The following COL18A1 variants were observed in gnomAD, a reference collection of about 807,000 sequenced individuals.
COL18A1 encodes the protein collagen alpha-1(XVIII) chain.
COL18A1 carries 133 observed loss-of-function variants against 168.0 expected under a neutral mutation model. The observed-to-expected ratio is 0.79, with a 90% CI of 0.69 to 0.91. The LOEUF (loss-of-function observed/expected upper bound fraction) is 0.91, where lower values mean the gene tolerates loss of function less well. Ranked by LOEUF, COL18A1 falls within the 40% of genes least tolerant of loss-of-function variation. COL18A1 has a pLI of 0.00. For synonymous variants in COL18A1, 949 were observed against 809.0 expected (o/e 1.17, Z -2.94); for missense variants, 2,126 against 1,925.4 (o/e 1.10, Z -1.95).
chr21:45,411,578 T>G (rs1254156412), intron 2 of COL18A1, among the ~76,000 whole-genome samples: 1 of 152,110 alleles, frequency 6.6e-6, no homozygotes, highest in Non-Finnish European at 1.5e-5. Flanking sequence ...GGCCCGGCGC[T>G]GTGAACGAGC....
At position 45,488,068 on chromosome 21, in the gene COL18A1, C is replaced by T. The variant is rs557175907; in HGVS notation, c.1897-350C>T. Among the ~76,000 whole-genome samples the T allele has an allele frequency of 1.5e-4, 23 of 152,286 alleles. No homozygotes were observed. In the East Asian group the frequency reaches 2.5e-3, roughly 17 times the overall value. On this transcript the variant is annotated intron_variant, in intron 17 of 41. Transcript: ENST00000651438. ...GTCCCCTCCACACCACCAGCGCTCT[C>T]GTGGCGCCAGCATGGAGGAGCCCCC...
At chr21:45,435,708 T>C (rs1720482975) in intron 2 of COL18A1, among the ~76,000 whole-genome samples, 1 of 151,972 alleles carries the variant, frequency 6.6e-6, no homozygotes, top group Non-Finnish European at 1.5e-5. Flanking sequence ...GGGAGTCCTA[T>C]AGGGTGAAGG....
In COL18A1 at chr21:45,504,584, C is replaced by T. The variant is rs1275946837; in HGVS notation, c.2868+28C>T. ...AAGTCCCAGCCTGTGCAGGCAGAGC[C>T]CATGTCCCAGGGGTCTGGGTGCAGG... On this transcript the variant is annotated intron_variant, in intron 34 of 41. Coordinates refer to ENST00000651438, the MANE Select transcript of COL18A1 (RefSeq NM_001379500.1). 4.5e-6 allele frequency: 7 copies of T among 1,555,374 alleles called. No individual in the cohort carries two copies. The Admixed American group carries it at 5.8e-5, about 13-fold the overall frequency.
At chr21:45,422,869 C>T (rs117859566) in intron 2 of COL18A1, among the ~76,000 whole-genome samples, 753 of 152,066 alleles carry the variant, frequency 5.0e-3, no homozygotes, top group Middle Eastern at 0.014. Flanking sequence ...GTCACTGCAA[C>T]CTCCATCTCC....
intron 26 of COL18A1, chr21:45,494,273 T>G: frequency 2.7e-6 from 1 of 375,906 alleles, no homozygotes; most frequent in East Asian, 5.2e-5. Context: ...CCACCCCTGC[T>G]TCAGGGTCCC....
chr21:45,455,918 G>A (rs2034786940), intron 2 of COL18A1: 1 of 1,613,096 alleles, frequency 6.2e-7, no homozygotes, highest in Non-Finnish European at 8.5e-7. Context: ...GCTGTGGAAT[G>A]ACACTGTCCC....
chr21:45,452,547 C>G lies in COL18A1; in HGVS notation c.107-15695C>G, dbSNP rs11911388. Among the ~76,000 whole-genome samples the G allele has an allele frequency of 1.8e-3, 271 of 151,524 alleles. 2 individuals are homozygous for G. The highest frequency in any genetic ancestry group is 6.2e-3 in the African/African-American group (255 of 41,150). On this transcript the variant is annotated intron_variant, in intron 2 of 41. Coordinates refer to ENST00000651438, the MANE Select transcript of COL18A1 (RefSeq NM_001379500.1). ...GCATGTACATATGTGATTGTGTATG[C>G]ATGTGAGCATTCATGTGACACATGT...
intron 2 of COL18A1, chr21:45,408,337 ACACACACAAAAGTGCACATGTGTGTG>A (rs1449934372): frequency 6.6e-6 from 1 of 152,296 alleles, no homozygotes; most frequent in Non-Finnish European, 1.5e-5. Context: ...GTACATGCAC[ACACACACAAAAGTGCACATGTGTGTG>A]CACACACATG....
At chr21:45,441,182 G>A (rs368962581) in intron 2 of COL18A1, among the ~76,000 whole-genome samples, 3 of 152,186 alleles carry the variant, frequency 2.0e-5, no homozygotes, top group Admixed American at 6.5e-5. Context: ...GCAGGTTCTG[G>A]ACACCACAGC....
intron 14 of COL18A1, 36 bp downstream of exon 14, chr21:45,482,061 C>T (rs749669342): frequency 1.3e-6 from 2 of 1,539,958 alleles, no homozygotes; most frequent in East Asian, 2.3e-5. Flanking sequence ...GAGTGGGAAC[C>T]AGCACCACAC....
At position 45,405,517 on chromosome 21, in the gene COL18A1, G is replaced by A. The variant is rs768235188; in HGVS notation, c.106+44G>A. 5.8e-6 allele frequency: 7 copies of A among 1,208,252 alleles called. No homozygotes were observed. In the South Asian group the frequency reaches 1.7e-4, roughly 29 times the overall value. 74.8% of individuals were successfully genotyped at this position (1,208,252 alleles called of 1,614,324 possible). A position where few individuals can be genotyped will look rare whatever the true frequency, so the allele number is the denominator to read the frequency against. ...GGGAAGGTTCGCGCCGGTGCCCGCCGGCCTCGCCGCCCTGGCTGGGGTCCC... is the reference window on the plus strand; with the variant it reads ...GGGAAGGTTCGCGCCGGTGCCCGCCAGCCTCGCCGCCCTGGCTGGGGTCCC... On this transcript the variant is annotated intron_variant, in intron 2 of 41. Coordinates refer to ENST00000651438, the MANE Select transcript of COL18A1 (RefSeq NM_001379500.1).
At chr21:45,410,125 G>A (rs932642559) in intron 2 of COL18A1, 40 of 152,158 alleles carry the variant, frequency 2.6e-4, no homozygotes, top group African/African-American at 9.4e-4. Flanking sequence ...GGCGCGGGCA[G>A]GCCCCGGCAC....
rs1177384553 is a variant in COL18A1, at chr21:45,510,087, C to T, written c.3519C>T (p.Ser1173=). 6 of 1,582,946 alleles carry T rather than the reference C, an allele frequency of 3.8e-6. No homozygotes were observed. Among genetic ancestry groups the T allele is most frequent in the African/African-American group, 1.3e-5 (1 of 74,258 alleles). ...QPVLHLVALN[S]PLSGGMRGIR... ...AGCTCCACCTGGTTGCGCTCAACAG[C>T]CCCCTGTCAGGCGGCATGCGGGGCA... The change falls in exon 40 of 42, where the codon AGC becomes AGT. Residue 1173 remains serine (S), a synonymous_variant. Coordinates refer to ENST00000651438, the MANE Select transcript of COL18A1 (RefSeq NM_001379500.1).
chr21:45,440,610 T>C (rs553019269), intron 2 of COL18A1, among the ~76,000 whole-genome samples: 23 of 146,764 alleles, frequency 1.6e-4, no homozygotes, highest in African/African-American at 6.0e-4. Flanking sequence ...CGGGGCCTGC[T>C]GGGGTTTGAG....
At chr21:45,454,782 A>G (rs1223632534) in intron 2 of COL18A1, among the ~76,000 whole-genome samples, 1 of 152,200 alleles carries the variant, frequency 6.6e-6, no homozygotes, top group Non-Finnish European at 1.5e-5. Flanking sequence ...GGAATGTTCC[A>G]GTCTAACCGG....
At chr21:45,480,550 C>A (rs759582395) in intron 12 of COL18A1, 30 bp downstream of exon 12, 3 of 1,613,722 alleles carry the variant, frequency 1.9e-6, no homozygotes, top group African/African-American at 2.7e-5. Flanking sequence ...CAGCGCTGCC[C>A]GATGTCTGTG....
intron 29 of COL18A1, chr21:45,495,674 A>C (rs1441503821): frequency 2.0e-5 from 10 of 507,606 alleles, no homozygotes; most frequent in Non-Finnish European, 3.7e-5. Flanking sequence ...ACATATACAC[A>C]TGCATCTATG....
chr21:45,407,060 AG>A (rs78667666), intron 2 of COL18A1, among the ~76,000 whole-genome samples: 10,071 of 151,832 alleles, frequency 0.066, 843 homozygotes, highest in East Asian at 0.4. Context: ...AGGCCCAGAG[AG>A]GGGTCTGCAT....
At chr21:45,469,121 T>C (rs1265707811) in intron 3 of COL18A1, among the ~76,000 whole-genome samples, 1 of 152,048 alleles carries the variant, frequency 6.6e-6, no homozygotes, top group Admixed American at 6.5e-5. Flanking sequence ...TTGAACGACT[T>C]TGTAACTAGA....
Sources: allele counts gnomAD v4.1 joint callset (sites outside exome capture counted in the v4.1 genomes callset), GRCh38; gene constraint gnomAD v4.1.1; transcripts MANE v1.5; gene names NCBI Gene and HGNC (gene_info 2026-07-23, HGNC 2026-07-21).